Variants in CPNE4 observed in about 807,000 individuals in gnomAD.
CPNE4 encodes copine 4.
A neutral mutation model predicts 67.9 loss-of-function variants in CPNE4; 25 were observed. The observed-to-expected ratio is 0.37, with a 90% CI of 0.27 to 0.51. CPNE4 has a LOEUF of 0.51. Ranked by LOEUF, CPNE4 falls within the 20% of genes least tolerant of loss-of-function variation. The probability of loss-of-function intolerance (pLI) is 0.93; values close to 1 mark genes in which losing one functional copy is unlikely to be tolerated. For missense variants in CPNE4, 464 were observed against 690.8 expected (o/e 0.67, Z 3.68); for synonymous variants, 242 against 244.9 (o/e 0.99, Z 0.11).
At chr3:131,999,254 A>AAAAAAAAAAAC (rs2073369594) in intron 1 of CPNE4, among the ~76,000 whole-genome samples, 1 of 150,682 alleles carries the variant, frequency 6.6e-6, no homozygotes, top group African/African-American at 2.4e-5. Context: ...AAAAAAAAAA[A>AAAAAAAAAAAC]AAAAAAAAAA....
intron 7 of CPNE4, among the ~76,000 whole-genome samples, chr3:131,613,259 A>T (rs56887684): frequency 0.019 from 2,942 of 152,296 alleles, 37 homozygotes; most frequent in East Asian, 0.043. Flanking sequence ...AGTGAGCCTA[A>T]GTGAGATTAC....
intron 1 of CPNE4, among the ~76,000 whole-genome samples, chr3:131,907,563 T>G (rs1247665650): frequency 6.6e-6 from 1 of 152,034 alleles, no homozygotes; most frequent in Non-Finnish European, 1.5e-5. Context: ...GGCATGCTTA[T>G]TCATTTATGT....
At chr3:131,851,607 G>T (rs962830394) in intron 2 of CPNE4, among the ~76,000 whole-genome samples, 14 of 152,040 alleles carry the variant, frequency 9.2e-5, no homozygotes, top group African/African-American at 3.4e-4. Flanking sequence ...TGATGATAGC[G>T]ATGGAGAACA....
At chr3:131,964,391 T>A (rs1583526379) in intron 1 of CPNE4, among the ~76,000 whole-genome samples, 1 of 152,084 alleles carries the variant, frequency 6.6e-6, no homozygotes, top group East Asian at 2.0e-4. Flanking sequence ...TTGACAGAAG[T>A]AGGCTTCAGA....
chr3:131,830,795 T>G (rs1278566950), intron 2 of CPNE4, among the ~76,000 whole-genome samples: 1 of 152,166 alleles, frequency 6.6e-6, no homozygotes, highest in Non-Finnish European at 1.5e-5. Flanking sequence ...ACATCCCAGG[T>G]GTCCAATGCT....
intron 2 of CPNE4, among the ~76,000 whole-genome samples, chr3:131,804,050 C>G (rs1343326431): frequency 2.0e-5 from 3 of 152,202 alleles, no homozygotes; most frequent in Non-Finnish European, 4.4e-5. Context: ...GTCTCTCTCT[C>G]TCCCTCTCTA....
chr3:131,760,397 T>C (rs1432399455), intron 2 of CPNE4, among the ~76,000 whole-genome samples: 2 of 152,148 alleles, frequency 1.3e-5, no homozygotes, highest in African/African-American at 2.4e-5. Flanking sequence ...GGCATAACTA[T>C]TGAATTGCAG....
intron 2 of CPNE4, among the ~76,000 whole-genome samples, chr3:131,887,164 G>C (rs928336092): frequency 6.6e-6 from 1 of 152,176 alleles, no homozygotes; most frequent in South Asian, 2.1e-4. Flanking sequence ...CATGGGGACA[G>C]TTTCCCCCAT....
intron 2 of CPNE4, among the ~76,000 whole-genome samples, chr3:131,799,828 C>T (rs1196759243): frequency 2.0e-5 from 3 of 151,882 alleles, no homozygotes; most frequent in Non-Finnish European, 2.9e-5. Flanking sequence ...TCTCTATCAT[C>T]AAAGAACAAG....
Position 132,034,966 on chromosome 3 carries a change from G to A in CPNE4, c.-401C>T, listed in dbSNP as rs2074315075. ...TGGCAGAAAGAGAAGGGGACGAGCG[G>A]GTGGCGGGGAGATGGCAGCTTCTCA... is the stretch of plus-strand genomic sequence containing the variant. On this transcript the variant is annotated 5_prime_UTR_variant, in exon 1 of 16. Transcript: ENST00000429747. 1 of 985,532 alleles carries A rather than the reference G, an allele frequency of 1.0e-6. No individual in the cohort carries two copies. Among genetic ancestry groups the A allele is most frequent in the South Asian group, 4.7e-5 (1 of 21,286 alleles). The allele number at this position is 985,532 out of a possible 1,614,324, so 61.0% of individuals were successfully genotyped here.
intron 1 of CPNE4, among the ~76,000 whole-genome samples, chr3:132,034,282 G>A (rs1301979459): frequency 6.6e-6 from 1 of 152,018 alleles, no homozygotes; most frequent in Non-Finnish European, 1.5e-5. Flanking sequence ...CCCGTGCCAT[G>A]CTGTCCCCTC....
chr3:131,899,837 A>G (rs921686492), intron 2 of CPNE4, among the ~76,000 whole-genome samples: 1 of 152,108 alleles, frequency 6.6e-6, no homozygotes, highest in East Asian at 1.9e-4. Context: ...TTTGAGTTTT[A>G]TCCTCATGGT....
intron 2 of CPNE4, among the ~76,000 whole-genome samples, chr3:131,857,835 C>A (rs1299700948): frequency 6.6e-6 from 1 of 151,970 alleles, no homozygotes; most frequent in Non-Finnish European, 1.5e-5. Context: ...AAATCCAATA[C>A]AATCCTCATT....
chr3:131,557,209 CCTT>C (rs1477448432), intron 11 of CPNE4, among the ~76,000 whole-genome samples: 4 of 152,106 alleles, frequency 2.6e-5, no homozygotes, highest in African/African-American at 7.2e-5. Context: ...AAGGACGTGT[CCTT>C]CTCATGTCAT....
chr3:131,853,836 A>G (rs1252470545), intron 2 of CPNE4, among the ~76,000 whole-genome samples: 1 of 151,900 alleles, frequency 6.6e-6, no homozygotes, highest in Admixed American at 6.6e-5. Flanking sequence ...TTTAAACCAC[A>G]GTAATATTTC....
At chr3:132,006,023 T>C (rs185499187) in intron 1 of CPNE4, among the ~76,000 whole-genome samples, 79 of 152,246 alleles carry the variant, frequency 5.2e-4, no homozygotes, top group African/African-American at 1.7e-3. Flanking sequence ...AGCATCTTCC[T>C]TGCTGCAGTT....
intron 1 of CPNE4, among the ~76,000 whole-genome samples, chr3:131,975,445 G>C (rs891622363): frequency 6.6e-6 from 1 of 152,158 alleles, no homozygotes; most frequent in Admixed American, 6.5e-5. Context: ...TCATTTACCC[G>C]AGGCTTCTCC....
intron 4 of CPNE4, among the ~76,000 whole-genome samples, chr3:131,697,906 A>G (rs369376902): frequency 1.3e-5 from 2 of 152,166 alleles, no homozygotes; most frequent in East Asian, 1.9e-4. Flanking sequence ...GTTTTGATCT[A>G]AAGACTCAAA....
chr3:131,792,702 C>CACGTGTGTATATATACATATAT (rs2083790623), intron 2 of CPNE4, among the ~76,000 whole-genome samples: 2 of 34,602 alleles, frequency 5.8e-5, no homozygotes, highest in African/African-American at 1.9e-4. Flanking sequence ...TATACATATA[C>CACGTGTGTATATATACATATAT]ACACACGTGT....
Sources: allele counts gnomAD v4.1 joint callset (sites outside exome capture counted in the v4.1 genomes callset), GRCh38; gene constraint gnomAD v4.1.1; transcripts MANE v1.5; gene names NCBI Gene and HGNC (gene_info 2026-07-23, HGNC 2026-07-21).